The following CAMTA1 variants were observed in gnomAD, a reference collection of about 807,000 sequenced individuals.
CAMTA1 encodes the protein calmodulin binding transcription activator 1, also known as calmodulin-binding transcription activator 1.
CAMTA1 carries 27 observed loss-of-function variants against 170.9 expected under a neutral mutation model. The ratio of observed to expected loss-of-function variants is 0.16; its 90% confidence interval spans 0.12 to 0.22. The LOEUF is 0.22. Among genes scored for constraint, CAMTA1 ranks in the 10% least tolerant of loss-of-function variants. The pLI is 1.00. For synonymous variants in CAMTA1, 833 were observed against 891.5 expected (o/e 0.93, Z 1.17); for missense variants, 1,619 against 2,217.2 (o/e 0.73, Z 5.42).
At chr1:6,904,268 C>T (rs1165419483) in intron 3 of CAMTA1, among the ~76,000 whole-genome samples, 2 of 152,200 alleles carry the variant, frequency 1.3e-5, no homozygotes, top group Non-Finnish European at 2.9e-5. Flanking sequence ...CCTGGCTTCT[C>T]TGTAGCATTT....
chr1:7,273,076 T>C (rs778802535), intron 5 of CAMTA1, among the ~76,000 whole-genome samples: 10 of 152,128 alleles, frequency 6.6e-5, no homozygotes, highest in Non-Finnish European at 1.3e-4. Context: ...CTAGGATGGC[T>C]ATAACAAAAA....
chr1:7,526,807 GCTCT>G lies in CAMTA1; in HGVS notation c.510+58909_510+58912del, dbSNP rs2094436944. Among the ~76,000 whole-genome samples, 3 of 152,186 alleles carry G rather than the reference GCTCT, an allele frequency of 2.0e-5. No homozygotes were observed. In the South Asian group the frequency reaches 6.2e-4, roughly 32 times the overall value. On this transcript the variant is annotated intron_variant, in intron 6 of 22. Transcript: ENST00000303635. ...ACCAGGCTGACATGAGGAGGCCCTG[GCTCT>G]CTGTTAGCAGATGGGGCTGGGTGAC...
At chr1:6,808,209 A>G (rs1644745890) in intron 1 of CAMTA1, among the ~76,000 whole-genome samples, 1 of 151,754 alleles carries the variant, frequency 6.6e-6, no homozygotes, top group Non-Finnish European at 1.5e-5. Flanking sequence ...TTCTCTGCTC[A>G]GGAGAGGCTT....
At chr1:6,983,674 A>C (rs937398176) in intron 3 of CAMTA1, among the ~76,000 whole-genome samples, 1 of 149,540 alleles carries the variant, frequency 6.7e-6, no homozygotes, top group African/African-American at 2.4e-5. Context: ...AATTGGATCT[A>C]TTATTTGATG....
intron 3 of CAMTA1, among the ~76,000 whole-genome samples, chr1:7,080,311 A>C (rs1639843927): frequency 6.6e-6 from 1 of 152,202 alleles, no homozygotes; most frequent in African/African-American, 2.4e-5. Flanking sequence ...GTCTTCTCAC[A>C]AACTAAAAGG....
chr1:7,547,460 G>GA lies in CAMTA1; in HGVS notation c.510+79566dup, dbSNP rs963192478. On this transcript the variant is annotated intron_variant, in intron 6 of 22. Coordinates refer to ENST00000303635, the MANE Select transcript of CAMTA1 (RefSeq NM_015215.4). The surrounding 1 kb of genome is among the most constrained non-coding windows in gnomAD (Gnocchi z 5.7). ...CCAACAACGGGCCAAAAATATCCAG[G>GA]AAAAAAATTGCATTTGTACCAAACA... is the stretch of plus-strand genomic sequence containing the variant. Among the ~76,000 whole-genome samples, 3 of 151,126 alleles carry GA rather than the reference G, an allele frequency of 2.0e-5. No homozygotes were observed. Among genetic ancestry groups the GA allele is most frequent in the South Asian group, 2.1e-4 (1 of 4,784 alleles).
rs138661434 is a variant in CAMTA1, at chr1:7,271,565, GAGATAGAT to G, written c.438+21981_438+21988del. On this transcript the variant is annotated intron_variant, in intron 5 of 22. Coordinates refer to ENST00000303635, the MANE Select transcript of CAMTA1 (RefSeq NM_015215.4). ...TAAACTGTTAATTACACTGAGAAAA[GAGATAGAT>G]AGATAGATAGATAGATAGATAGATA... Among the ~76,000 whole-genome samples, 794 of 142,852 alleles carry G rather than the reference GAGATAGAT, an allele frequency of 5.6e-3. 3 individuals carry two copies. Among genetic ancestry groups the G allele is most frequent in the Middle Eastern group, 7.1e-3 (2 of 280 alleles). 93.7% of individuals were successfully genotyped at this position (142,852 alleles called of 152,430 possible). A position where few individuals can be genotyped will look rare whatever the true frequency, so the allele number is the denominator to read the frequency against.
Position 7,455,310 on chromosome 1 carries a change from A to T in CAMTA1, c.439-12520A>T, listed in dbSNP as rs79436280. On this transcript the variant is annotated intron_variant, in intron 5 of 22. Transcript: ENST00000303635. This position sits in a 1 kb window ranked among gnomAD's most constrained non-coding sequence, Gnocchi z 5.0. ...CTGCTGTCTGCTCTCTTTTGTAGAGATGTTTTCGTGAACTTGAGAAAAAAT... is the reference window on the plus strand; with the variant it reads ...CTGCTGTCTGCTCTCTTTTGTAGAGTTGTTTTCGTGAACTTGAGAAAAAAT... Among the ~76,000 whole-genome samples, 843 of 152,240 alleles carry T rather than the reference A, an allele frequency of 5.5e-3. 29 individuals carry two copies. The highest frequency in any genetic ancestry group is 0.046 in the Admixed American group (699 of 15,294).
At chr1:6,969,773 T>C (rs1454068954) in intron 3 of CAMTA1, among the ~76,000 whole-genome samples, 1 of 152,234 alleles carries the variant, frequency 6.6e-6, no homozygotes, top group Non-Finnish European at 1.5e-5. Context: ...GTGTAGACCA[T>C]AGTTAGATGT....
intron 5 of CAMTA1, among the ~76,000 whole-genome samples, chr1:7,345,450 C>T (rs984634055): frequency 2.6e-5 from 4 of 152,362 alleles, no homozygotes; most frequent in East Asian, 1.9e-4. Flanking sequence ...TTCCCATGAT[C>T]GCCTGCTGTC....
chr1:6,920,309 C>T (rs1163534607), intron 3 of CAMTA1, among the ~76,000 whole-genome samples: 2 of 152,240 alleles, frequency 1.3e-5, no homozygotes, highest in East Asian at 1.9e-4. Context: ...TCTCCTTTGA[C>T]TGCATGTCTT....
chr1:6,902,081 A>AAAAAT (rs1553180512), intron 3 of CAMTA1, among the ~76,000 whole-genome samples: 3 of 149,762 alleles, frequency 2.0e-5, no homozygotes, highest in South Asian at 2.1e-4. Context: ...ACAAAAAAAA[A>AAAAAT]AATAAAAATA....
intron 6 of CAMTA1, 37 bp downstream of exon 6, chr1:7,467,938 G>A: frequency 6.4e-7 from 1 of 1,557,948 alleles, no homozygotes; most frequent in Admixed American, 1.7e-5. Flanking sequence ...TCTGTCTCTG[G>A]TGCTCGGGAA....
chr1:7,677,534 G>A (rs955384857), intron 10 of CAMTA1, 65 bp from the exon 11 acceptor site: 9 of 1,564,344 alleles, frequency 5.8e-6, no homozygotes, highest in Admixed American at 1.8e-5. Context: ...TCCAGGCCCT[G>A]TGTGGTTCAC....
chr1:6,856,414 G>A (rs1461399114), intron 3 of CAMTA1, among the ~76,000 whole-genome samples: 1 of 149,148 alleles, frequency 6.7e-6, no homozygotes, highest in Non-Finnish European at 1.5e-5. Flanking sequence ...TGTTTGTTAC[G>A]AGATACATAA....
rs143353311 is a variant in CAMTA1, at chr1:6,870,334, A to C, written c.234+45124A>C. Among the ~76,000 whole-genome samples the C allele has an allele frequency of 1.5e-3, 233 of 152,312 alleles. 1 individual carries two copies. Among genetic ancestry groups the C allele is most frequent in the African/African-American group, 5.4e-3 (226 of 41,578 alleles). Reference sequence around the variant, plus strand: ...GAAATGAAATGCAAGTTTACTTTTCAGTAGCTATGCAACTTAAAAAAAAAA... The same window carrying C: ...GAAATGAAATGCAAGTTTACTTTTCCGTAGCTATGCAACTTAAAAAAAAAA... On this transcript the variant is annotated intron_variant, in intron 3 of 22. Transcript: ENST00000303635.
chr1:7,326,241 A>G (rs1017346098), intron 5 of CAMTA1, among the ~76,000 whole-genome samples: 1 of 152,220 alleles, frequency 6.6e-6, no homozygotes, highest in Non-Finnish European at 1.5e-5. Flanking sequence ...TTACATAAAA[A>G]CCAAATACAA....
rs1225139872 is a variant in CAMTA1 at position 7,769,435 on chromosome 1, G to C, written c.*2944G>C. The C allele has an allele frequency of 1.3e-5, 2 of 152,768 alleles. No individual in the cohort carries two copies. 9.5% of individuals were successfully genotyped at this position (152,768 alleles called of 1,614,324 possible). On this transcript the variant is annotated 3_prime_UTR_variant, in exon 23 of 23. Transcript: ENST00000303635. Reference sequence around the variant, plus strand: ...AATACGAACCCCTCTCTGGCTGCACGGTCGCTTATGGCAGTTCCACACAGT... The same window carrying C: ...AATACGAACCCCTCTCTGGCTGCACCGTCGCTTATGGCAGTTCCACACAGT...
intron 5 of CAMTA1, among the ~76,000 whole-genome samples, chr1:7,324,806 CAAAA>C (rs35937100): frequency 7.8e-6 from 1 of 128,472 alleles, no homozygotes; most frequent in Admixed American, 7.7e-5. Flanking sequence ...GACTCCATCT[CAAAA>C]AAAAAAAAAA....
Sources: gnomAD v4.1 joint callset for allele counts (sites outside exome capture counted in the v4.1 genomes callset) on GRCh38, gnomAD v4.1.1 for gene constraint, Gnocchi (gnomAD v3.1) non-coding constraint, MANE v1.5 for transcripts, NCBI Gene and HGNC (gene_info 2026-07-23, HGNC 2026-07-21) for gene names.